Variants in HLA-DPA1 observed in about 807,000 individuals in gnomAD.
HLA-DPA1 encodes HLA class II histocompatibility antigen, DP alpha 1 chain.
In HLA-DPA1, 20 loss-of-function variants were observed where a neutral mutation model predicts 21.5. The ratio of observed to expected loss-of-function variants is 0.93; its 90% confidence interval spans 0.66 to 1.35. The LOEUF (loss-of-function observed/expected upper bound fraction) is 1.35, where lower values mean the gene tolerates loss of function less well. Among genes scored for constraint, HLA-DPA1 ranks in the 40% most tolerant of loss-of-function variants. The probability of loss-of-function intolerance (pLI) is 0.00; values close to 1 mark genes in which losing one functional copy is unlikely to be tolerated. For synonymous variants in HLA-DPA1, 123 were observed against 129.6 expected (o/e 0.95, Z 0.35); for missense variants, 279 against 323.0 (o/e 0.86, Z 1.05).
At chr6:33,072,246 A>T (rs1038426203) in intron 2 of HLA-DPA1, among the ~76,000 whole-genome samples, 1 of 152,184 alleles carries the variant, frequency 6.6e-6, no homozygotes, top group Non-Finnish European at 1.5e-5. Flanking sequence ...AGATGAGAGG[A>T]TCCTCAGGGA....
chr6:33,066,569 G>C (rs1184102383), intron 5 of HLA-DPA1: 1 of 152,164 alleles, frequency 6.6e-6, no homozygotes, highest in Non-Finnish European at 1.5e-5. Context: ...ACAGTTGATG[G>C]ACTTCATTAC....
At chr6:33,079,938 C>T (rs1221559330) in intron 1 of HLA-DPA1, 1 of 250,726 alleles carries the variant, frequency 4.0e-6, no homozygotes, top group Non-Finnish European at 7.9e-6. Context: ...CCTCTAAACC[C>T]AAAGGACTCT....
chr6:33,074,952 T>C (rs1762466189), intron 1 of HLA-DPA1, among the ~76,000 whole-genome samples: 1 of 152,240 alleles, frequency 6.6e-6, no homozygotes, highest in South Asian at 2.1e-4. Flanking sequence ...GCTAGCCTTC[T>C]ATTTACATTT....
intron 1 of HLA-DPA1, 39 bp from the exon 1 acceptor site, chr6:33,073,688 G>A (rs1475625423): frequency 1.5e-6 from 1 of 689,568 alleles, no homozygotes; most frequent in East Asian, 2.6e-5. Context: ...GGGTGGAGAG[G>A]AATCAGCATG....
chr6:33,073,857 G>C (rs1214091185), intron 1 of HLA-DPA1: 2 of 364,964 alleles, frequency 5.5e-6, no homozygotes, highest in African/African-American at 2.1e-5. Flanking sequence ...TAGAGAAAGA[G>C]ATGTAAAAAG....
At position 33,068,741 on chromosome 6, in the gene HLA-DPA1, A is replaced by C. The variant is rs778429978; in HGVS notation, c.692T>G (p.Val231Gly). Residue 231 changes from valine to glycine, a missense_variant, in exon 5 of 6, where the codon GTG (valine) becomes GGG (glycine). Transcript: ENST00000419277. ...CACGATGATGCCGACTAGGCCCAGC[A>C]CCAGGCCCAGGGCACAGAGCACAGT... 3 of 1,612,816 alleles carry C rather than the reference A, an allele frequency of 1.9e-6. No homozygotes were observed. In the African/African-American group the frequency reaches 4.0e-5, roughly 22 times the overall value.
chr6:33,065,163 G>A (rs1761897798), exon 6 of HLA-DPA1: 1 of 139,676 alleles, frequency 7.2e-6, no homozygotes, highest in East Asian at 2.4e-4. Flanking sequence ...TCTATTTGTT[G>A]GAAACTTTAC....
At chr6:33,068,466 C>A in intron 5 of HLA-DPA1, 172 bp downstream of exon 4, 1 of 542,856 alleles carries the variant, frequency 1.8e-6, no homozygotes, top group Non-Finnish European at 3.3e-6. Flanking sequence ...AAATGTAAAT[C>A]CTCAGAATAG....
At chr6:33,078,185 G>A (rs1583110556) in intron 1 of HLA-DPA1, among the ~76,000 whole-genome samples, 1 of 152,152 alleles carries the variant, frequency 6.6e-6, no homozygotes, top group African/African-American at 2.4e-5. Flanking sequence ...GTGAAAGGGA[G>A]GACGGGCAAA....
chr6:33,080,510 G>T lies in HLA-DPA1; in HGVS notation c.-100+170C>A. On this transcript the variant is annotated intron_variant, in intron 1 of 5. Coordinates refer to ENST00000419277, the Ensembl canonical transcript of HLA-DPA1. The surrounding 1 kb of genome is among the most constrained non-coding windows in gnomAD (Gnocchi z 4.3). ...GAAAACAGGCCTGGAGAGGCTCTGC[G>T]ACCCGCTTAGGACCACAGAACTCGG... 9.8e-7 allele frequency: 1 copy of T among 1,022,038 alleles called. No individual in the cohort carries two copies. The highest frequency in any genetic ancestry group is 2.6e-5 in the East Asian group (1 of 38,586). 63.3% of individuals were successfully genotyped at this position (1,022,038 alleles called of 1,614,324 possible).
chr6:33,068,928 ACC>A, intron 4 of HLA-DPA1, 89 bp downstream of exon 3: 1 of 1,542,080 alleles, frequency 6.5e-7, no homozygotes, highest in Non-Finnish European at 8.9e-7. Context: ...GAGGACTGAG[ACC>A]CAGCCAGTGC....
chr6:33,078,277 C>T (rs1387353821), intron 1 of HLA-DPA1, among the ~76,000 whole-genome samples: 4 of 152,058 alleles, frequency 2.6e-5, no homozygotes, highest in Admixed American at 2.0e-4. Flanking sequence ...ACTGGAGCTC[C>T]CTGCGTAGAA....
At chr6:33,079,867 C>A in intron 1 of HLA-DPA1, 1 of 318,452 alleles carries the variant, frequency 3.1e-6, no homozygotes, top group Non-Finnish European at 6.1e-6. Context: ...GTAGAAAGTT[C>A]ATGTCCACGT....
rs540716186 is a variant in HLA-DPA1 at position 33,075,752 on chromosome 6, C to T, written c.-99-2083G>A. 3.3e-5 allele frequency among the ~76,000 whole-genome samples: 5 copies of T among 152,310 alleles called. No individual in the cohort carries two copies. The South Asian group carries it at 1.0e-3, about 32-fold the overall frequency. On this transcript the variant is annotated intron_variant, in intron 1 of 5. Coordinates refer to ENST00000419277, the Ensembl canonical transcript of HLA-DPA1. ...GAAAACGCATAATCTCCCCAAACATCATGACTTATCTGACTGGTTAAAATG... is the reference window on the plus strand; with the variant it reads ...GAAAACGCATAATCTCCCCAAACATTATGACTTATCTGACTGGTTAAAATG...
chr6:33,069,442 C>G, intron 3 of HLA-DPA1, 142 bp from the exon 3 acceptor site: 3 of 1,041,032 alleles, frequency 2.9e-6, no homozygotes, highest in Non-Finnish European at 4.2e-6. Flanking sequence ...ACACCACTGA[C>G]CAGCCTCACT....
exon 3 of HLA-DPA1, chr6:33,069,831 C>T (rs1762182806): frequency 2.5e-6 from 4 of 1,610,738 alleles, no homozygotes; most frequent in East Asian, 2.2e-5. Flanking sequence ...CAAACATAAA[C>T]TCCCCTGTTG....
chr6:33,076,058 T>C, intron 1 of HLA-DPA1: 2 of 1,612,364 alleles, frequency 1.2e-6, no homozygotes, highest in Non-Finnish European at 1.7e-6. Flanking sequence ...GTTCTGCAGG[T>C]TTCTGCGGCC....
At chr6:33,069,880 T>A in exon 3 of HLA-DPA1, 1 of 1,609,264 alleles carries the variant, frequency 6.2e-7, no homozygotes, top group South Asian at 1.1e-5. Context: ...AGTTGACACA[T>A]GGTCCGCTGC....
Position 33,073,150 on chromosome 6 carries a change from T to C in HLA-DPA1, c.100+321A>G, listed in dbSNP as rs540804755. Among the ~76,000 whole-genome samples the C allele has an allele frequency of 8.5e-4, 129 of 152,366 alleles. 1 individual carries two copies. The highest frequency in any genetic ancestry group is 4.1e-3 in the Admixed American group (63 of 15,306). ...TCAAACTTGGCTCGTTGATCTGCTG[T>C]GTAACCTTGGAAAACTTATTCATCT... On this transcript the variant is annotated intron_variant, in intron 2 of 5. Transcript: ENST00000419277.
Sources: allele counts gnomAD v4.1 joint callset (sites outside exome capture counted in the v4.1 genomes callset), GRCh38; gene constraint gnomAD v4.1.1; non-coding constraint Gnocchi (gnomAD v3.1); transcripts MANE v1.5; gene names NCBI Gene and HGNC (gene_info 2026-07-23, HGNC 2026-07-21).